PCDHGB5: variants seen among roughly 807,000 people sequenced by gnomAD.
PCDHGB5 encodes the protein protocadherin gamma-B5.
In PCDHGB5, 48 loss-of-function variants were observed where a neutral mutation model predicts 62.9. That is an observed-to-expected ratio of 0.76 (90% CI 0.61 to 0.97). The LOEUF (loss-of-function observed/expected upper bound fraction) is 0.97, where lower values mean the gene tolerates loss of function less well. Among genes scored for constraint, PCDHGB5 ranks in the 50% least tolerant of loss-of-function variants. The pLI, the probability that PCDHGB5 is intolerant of heterozygous loss-of-function variation, is 0.00. For synonymous variants in PCDHGB5, 474 were observed against 511.2 expected (o/e 0.93, Z 0.98); for missense variants, 1,118 against 1,198.6 (o/e 0.93, Z 0.99).
chr5:141,414,000 A>C (rs759228883), intron 1 of PCDHGB5: 20 of 1,613,400 alleles, frequency 1.2e-5, no homozygotes, highest in Non-Finnish European at 1.6e-5. Flanking sequence ...ACAGGGACGA[A>C]GGTGCCAATG....
intron 1 of PCDHGB5, among the ~76,000 whole-genome samples, chr5:141,459,664 T>A (rs766213146): frequency 1.3e-5 from 2 of 152,262 alleles, no homozygotes; most frequent in Non-Finnish European, 2.9e-5. Flanking sequence ...TCACTTTACA[T>A]TTTCATGAGC....
Position 141,487,503 on chromosome 5 carries a change from C to T in PCDHGB5, c.2398-7304C>T. On this transcript the variant is annotated intron_variant, in intron 1 of 3. Transcript: ENST00000617380. The surrounding 1 kb of genome is among the most constrained non-coding windows in gnomAD (Gnocchi z 5.0). The stretch of plus-strand genomic sequence containing the variant: ...TCTCATGGCTGTACACCCTTGGCTT[C>T]TGCACCCACTCGGAGTGATAGCTTC... 1 of 1,614,220 alleles carries T rather than the reference C, an allele frequency of 6.2e-7. No homozygotes were observed. Among genetic ancestry groups the T allele is most frequent in the Non-Finnish European group, 8.5e-7 (1 of 1,180,042 alleles).
At chr5:141,466,864 C>G (rs925681539) in intron 1 of PCDHGB5, among the ~76,000 whole-genome samples, 24 of 151,910 alleles carry the variant, frequency 1.6e-4, no homozygotes, top group African/African-American at 5.3e-4. Flanking sequence ...TTTTGAAATC[C>G]ACACATTTTT....
Position 141,431,334 on chromosome 5 carries a change from C to G in PCDHGB5, c.2397+30810C>G, listed in dbSNP as rs775651426. ...AATGGAGCCGACGGTAGTAAGTACC[C>G]CGAATTGGTGCTGAAACGCGCCCTG... On this transcript the variant is annotated intron_variant, in intron 1 of 3. Transcript: ENST00000617380. This position sits in a 1 kb window ranked among gnomAD's most constrained non-coding sequence, Gnocchi z 4.8. 1.9e-6 allele frequency: 3 copies of G among 1,614,118 alleles called. No individual in the cohort carries two copies. The South Asian group carries it at 3.3e-5, about 18-fold the overall frequency.
At chr5:141,451,365 G>A (rs557753113) in intron 1 of PCDHGB5, among the ~76,000 whole-genome samples, 2 of 152,234 alleles carry the variant, frequency 1.3e-5, no homozygotes, top group South Asian at 4.1e-4. Context: ...GGATGGATCC[G>A]CTTCTAATCT....
Position 141,414,991 on chromosome 5 carries a change from G to A in PCDHGB5, c.2397+14467G>A, listed in dbSNP as rs1162432290. ...GGTGGACAGAGACTCCGGCCAGAAC[G>A]CCTGGCTGTCCTACCGTCTGCTCAA... On this transcript the variant is annotated intron_variant, in intron 1 of 3. Transcript: ENST00000617380. 10 of 1,613,648 alleles carry A rather than the reference G, an allele frequency of 6.2e-6. No homozygotes were observed. The Admixed American group carries it at 1.2e-4, about 19-fold the overall frequency.
Position 141,461,919 on chromosome 5 carries a change from G to T in PCDHGB5, c.2398-32888G>T, listed in dbSNP as rs10060711. On this transcript the variant is annotated intron_variant, in intron 1 of 3. Transcript: ENST00000617380. Reference sequence around the variant, plus strand: ...GCTCACTGCAACCTCTGCCTCCTGGGTTCCAGCAATTCTCCTGCCTCAACC... The same window carrying T: ...GCTCACTGCAACCTCTGCCTCCTGGTTTCCAGCAATTCTCCTGCCTCAACC... 5.4e-3 allele frequency among the ~76,000 whole-genome samples: 815 copies of T among 152,214 alleles called. 11 individuals are homozygous for T. Among genetic ancestry groups the T allele is most frequent in the African/African-American group, 0.019 (780 of 41,542 alleles).
Position 141,476,605 on chromosome 5 carries a change from T to C in PCDHGB5, c.2398-18202T>C, listed in dbSNP as rs1394742940. ...CGCTCGAGAGCGCGCACGATCCCGATGTGGGAAGCAACTCTTTACAAACCT... is the reference window on the plus strand; with the variant it reads ...CGCTCGAGAGCGCGCACGATCCCGACGTGGGAAGCAACTCTTTACAAACCT... On this transcript the variant is annotated intron_variant, in intron 1 of 3. Transcript: ENST00000617380. This position sits in a 1 kb window ranked among gnomAD's most constrained non-coding sequence, Gnocchi z 7.6. 1.9e-6 allele frequency: 3 copies of C among 1,614,066 alleles called. No individual in the cohort carries two copies. In the East Asian group the frequency reaches 6.7e-5, roughly 36 times the overall value.
chr5:141,431,071 A>G lies in PCDHGB5; in HGVS notation c.2397+30547A>G. The G allele has an allele frequency of 6.2e-7, 1 of 1,614,244 alleles. No homozygotes were observed. On this transcript the variant is annotated intron_variant, in intron 1 of 3. Coordinates refer to ENST00000617380, the MANE Select transcript of PCDHGB5 (RefSeq NM_018925.3). The surrounding 1 kb of genome is among the most constrained non-coding windows in gnomAD (Gnocchi z 4.8). ...GTATGGGGGCCATCAAGTGTCAATTAAATCTAGACATTCTGATGGAGGATA... is the reference window on the plus strand; with the variant it reads ...GTATGGGGGCCATCAAGTGTCAATTGAATCTAGACATTCTGATGGAGGATA...
chr5:141,431,032 C>T lies in PCDHGB5; in HGVS notation c.2397+30508C>T. 1 of 1,614,008 alleles carries T rather than the reference C, an allele frequency of 6.2e-7. No individual in the cohort carries two copies. The highest frequency in any genetic ancestry group is 2.2e-5 in the East Asian group (1 of 44,848). On this transcript the variant is annotated intron_variant, in intron 1 of 3. Transcript: ENST00000617380. This position sits in a 1 kb window ranked among gnomAD's most constrained non-coding sequence, Gnocchi z 4.8. ...GCTTGGTCACGGCGGGCAGGATAGA[C>T]CGGGAGGAGCTCTGTATGGGGGCCA...
rs2154532733 is a variant in PCDHGB5, at chr5:141,403,281, T to C, written c.2397+2757T>C. ...TGTCTGGTGAACTTTAAAGTCCTGGTTGAAGACAGAGTGAAACTGTACGGA... is the reference window on the plus strand; with the variant it reads ...TGTCTGGTGAACTTTAAAGTCCTGGCTGAAGACAGAGTGAAACTGTACGGA... On this transcript the variant is annotated intron_variant, in intron 1 of 3. Transcript: ENST00000617380. The C allele has an allele frequency of 2.5e-6, 4 of 1,613,908 alleles. No individual in the cohort carries two copies. Among genetic ancestry groups the C allele is most frequent in the African/African-American group, 1.3e-5 (1 of 75,080 alleles).
Position 141,400,400 on chromosome 5 carries a change from C to A in PCDHGB5, c.2273C>A (p.Thr758Lys), listed in dbSNP as rs375490385. 2 of 1,614,000 alleles carry A rather than the reference C, an allele frequency of 1.2e-6. No individual in the cohort carries two copies. The highest frequency in any genetic ancestry group is 3.3e-5 in the Admixed American group (2 of 60,024). Residue 758 changes from threonine to lysine, a missense_variant, in exon 1 of 4, where the codon ACG becomes AAG. Thr to Lys is a moderately conservative substitution (Grantham distance 78). Transcript: ENST00000617380. ...YNLCVAHTGK[T>K]EFNFLKCSEQ... ...CTATGTGTTGCACATACAGGAAAGACGGAGTTTAATTTCCTAAAATGTAGT... is the reference window on the plus strand; with the variant it reads ...CTATGTGTTGCACATACAGGAAAGAAGGAGTTTAATTTCCTAAAATGTAGT...
At chr5:141,497,969 C>T (rs1595499086) in intron 2 of PCDHGB5, among the ~76,000 whole-genome samples, 1 of 152,160 alleles carries the variant, frequency 6.6e-6, no homozygotes. Flanking sequence ...GCAGTGTTCT[C>T]GATGTGGGAG....
At position 141,485,257 on chromosome 5, in the gene PCDHGB5, T is replaced by G. The variant is rs1251686604; in HGVS notation, c.2398-9550T>G. 1.9e-6 allele frequency: 3 copies of G among 1,614,036 alleles called. No homozygotes were observed. The highest frequency in any genetic ancestry group is 2.5e-6 in the Non-Finnish European group (3 of 1,180,006). ...TCTTTTACCACCTGGGTTACGTTTG[T>G]GGGCAGATCCGCTACCCGGTCCCAG... On this transcript the variant is annotated intron_variant, in intron 1 of 3. Coordinates refer to ENST00000617380, the MANE Select transcript of PCDHGB5 (RefSeq NM_018925.3). The surrounding 1 kb of genome is among the most constrained non-coding windows in gnomAD (Gnocchi z 5.7).
chr5:141,498,104 C>T (rs530844708), intron 2 of PCDHGB5, among the ~76,000 whole-genome samples: 2 of 152,106 alleles, frequency 1.3e-5, no homozygotes, highest in African/African-American at 4.8e-5. Context: ...GTGGTGTGGG[C>T]GTATAATAGG....
chr5:141,498,009 C>A (rs1160103624), intron 2 of PCDHGB5, among the ~76,000 whole-genome samples: 1 of 152,146 alleles, frequency 6.6e-6, no homozygotes, highest in Non-Finnish European at 1.5e-5. Context: ...TTACAGTGCA[C>A]TGAAGGAGAC....
chr5:141,408,144 G>A (rs868032463), intron 1 of PCDHGB5: 1 of 1,496,186 alleles, frequency 6.7e-7, no homozygotes, highest in Non-Finnish European at 8.9e-7. Flanking sequence ...CTTTTAGCGC[G>A]GTAGAGTGCA....
At chr5:141,492,218 T>C (rs2099738354) in intron 1 of PCDHGB5, among the ~76,000 whole-genome samples, 1 of 152,114 alleles carries the variant, frequency 6.6e-6, no homozygotes. Flanking sequence ...GCGGGGCTCA[T>C]GCGTGTCCTC....
chr5:141,415,147 C>A lies in PCDHGB5; in HGVS notation c.2397+14623C>A, dbSNP rs779194230. The A allele has an allele frequency of 9.9e-6, 16 of 1,613,668 alleles. No individual in the cohort carries two copies. Among genetic ancestry groups the A allele is most frequent in the African/African-American group, 1.3e-5 (1 of 74,952 alleles). On this transcript the variant is annotated intron_variant, in intron 1 of 3. Transcript: ENST00000617380. ...CGTCCAGGACCACGGCCAGCCCCCT[C>A]TCTCCGCCACTGTCACGCTCACCGT... is the stretch of plus-strand genomic sequence containing the variant.
Sources: allele counts gnomAD v4.1 joint callset (sites outside exome capture counted in the v4.1 genomes callset), GRCh38; gene constraint gnomAD v4.1.1; non-coding constraint Gnocchi (gnomAD v3.1); transcripts MANE v1.5; gene names NCBI Gene and HGNC (gene_info 2026-07-23, HGNC 2026-07-21).